Variants in ARHGAP33 observed in about 807,000 individuals in gnomAD.
ARHGAP33 encodes Rho GTPase activating protein 33.
A neutral mutation model predicts 126.2 loss-of-function variants in ARHGAP33; 57 were observed. That is an observed-to-expected ratio of 0.45 (90% CI 0.36 to 0.56). The LOEUF (loss-of-function observed/expected upper bound fraction) is 0.56. Among genes scored for constraint, ARHGAP33 ranks in the 20% least tolerant of loss-of-function variants. ARHGAP33 has a pLI of 0.00. For missense variants in ARHGAP33, 1,500 were observed against 1,748.3 expected (o/e 0.86, Z 2.53); for synonymous variants, 711 against 755.0 (o/e 0.94, Z 0.95).
At chr19:35,784,732 T>C in intron 16 of ARHGAP33, 2 of 1,291,174 alleles carry the variant, frequency 1.5e-6, no homozygotes, top group Non-Finnish European at 2.0e-6. Context: ...GCCGCTGCCC[T>C]CGCTGGCTGC....
intron 3 of ARHGAP33, 61 bp from the exon 4 acceptor site, chr19:35,778,219 C>T: frequency 6.4e-7 from 1 of 1,564,750 alleles, no homozygotes; most frequent in Non-Finnish European, 8.8e-7. Context: ...CTAGATAGTG[C>T]CATCCCCAGG....
Position 35,775,588 on chromosome 19 carries a change from C to A in ARHGAP33, c.-71C>A. 3 of 1,457,374 alleles carry A rather than the reference C, an allele frequency of 2.1e-6. No individual in the cohort carries two copies. Among genetic ancestry groups the A allele is most frequent in the Non-Finnish European group, 2.7e-6 (3 of 1,107,832 alleles). The allele number at this position is 1,457,374 out of a possible 1,614,324, so 90.3% of individuals were successfully genotyped here. On this transcript the variant is annotated 5_prime_UTR_variant, in exon 1 of 21. Transcript: ENST00000007510. ...CGCCCTCCCCTTTGTGTCGCCATGG[C>A]GGCGGCAGCGGCGACGAGAACGGCG...
At position 35,782,984 on chromosome 19, in the gene ARHGAP33, A is replaced by G; in HGVS notation, c.1421+115A>G. ...AATACGTGTCTATCAAATACCTCCCATGGACCTGGCCCCGTCCCTAGCACT... is the reference window on the plus strand; with the variant it reads ...AATACGTGTCTATCAAATACCTCCCGTGGACCTGGCCCCGTCCCTAGCACT... On this transcript the variant is annotated intron_variant, in intron 15 of 20. Coordinates refer to ENST00000007510, the MANE Select transcript of ARHGAP33 (RefSeq NM_001366178.1). The surrounding 1 kb of genome is among the most constrained non-coding windows in gnomAD (Gnocchi z 4.1). 3.3e-6 allele frequency: 3 copies of G among 900,392 alleles called. No individual in the cohort carries two copies. The highest frequency in any genetic ancestry group is 4.4e-5 in the Admixed American group (2 of 45,750). The allele number at this position is 900,392 out of a possible 1,614,324, so 55.8% of individuals were successfully genotyped here.
chr19:35,776,916 C>T (rs1281606500), intron 1 of ARHGAP33, among the ~76,000 whole-genome samples: 1 of 152,034 alleles, frequency 6.6e-6, no homozygotes, highest in Non-Finnish European at 1.5e-5. Flanking sequence ...GAGGAGGGCA[C>T]ATGTGAGTTG....
intron 1 of ARHGAP33, 76 bp from the exon 2 acceptor site, chr19:35,777,569 G>T: frequency 7.8e-7 from 1 of 1,287,314 alleles, no homozygotes; most frequent in Non-Finnish European, 1.1e-6. Flanking sequence ...CTCTGGACCC[G>T]CGCTGCCAGA....
chr19:35,778,224 CCCAGGAGGTCAGGA>C, intron 3 of ARHGAP33, 42 bp from the exon 4 acceptor site: 1 of 1,585,262 alleles, frequency 6.3e-7, no homozygotes, highest in Non-Finnish European at 8.7e-7. Context: ...TAGTGCCATC[CCCAGGAGGTCAGGA>C]CTGGGACAAA....
chr19:35,785,918 C>T, intron 19 of ARHGAP33: 1 of 1,066,668 alleles, frequency 9.4e-7, no homozygotes, highest in Non-Finnish European at 1.1e-6. Flanking sequence ...CAGTTCTAGC[C>T]ATTTTGGAAA....
intron 6 of ARHGAP33, 172 bp downstream of exon 6, chr19:35,779,296 ATG>A (rs147226711): frequency 9.4e-5 from 56 of 596,162 alleles, no homozygotes; most frequent in Middle Eastern, 2.9e-4. Context: ...GTGTGTGAGC[ATG>A]TGTGTGTGTG....
At chr19:35,778,014 C>A in intron 3 of ARHGAP33, 106 bp downstream of exon 3, 2 of 1,345,846 alleles carry the variant, frequency 1.5e-6, no homozygotes, top group South Asian at 1.3e-5. Context: ...TGACTGGCTG[C>A]TGCACGCGTC....
Position 35,786,867 on chromosome 19 carries a change from G to A in ARHGAP33, c.2397G>A (p.Leu799=), listed in dbSNP as rs533922812. 6 of 1,602,950 alleles carry A rather than the reference G, an allele frequency of 3.7e-6. No individual in the cohort carries two copies. The highest frequency in any genetic ancestry group is 5.1e-6 in the Non-Finnish European group (6 of 1,177,038). ...SPAALDISEP[L]AVSVPPAVLE... is the part of the protein sequence containing the mutation. Reference sequence around the variant, plus strand: ...CTGCCCTAGACATCTCAGAGCCCCTGGCTGTATCAGTGCCACCCGCTGTCC... The same window carrying A: ...CTGCCCTAGACATCTCAGAGCCCCTAGCTGTATCAGTGCCACCCGCTGTCC... The change falls in exon 20 of 21, where the codon CTG becomes CTA. Residue 799 remains leucine (L), a synonymous_variant. Coordinates refer to ENST00000007510, the MANE Select transcript of ARHGAP33 (RefSeq NM_001366178.1). This position sits in a 1 kb window ranked among gnomAD's most constrained non-coding sequence, Gnocchi z 7.0.
At position 35,787,949 on chromosome 19, in the gene ARHGAP33, C is replaced by T. The variant is rs952691616; in HGVS notation, c.3384C>T (p.Leu1128=). 4 of 1,448,782 alleles carry T rather than the reference C, an allele frequency of 2.8e-6. No homozygotes were observed. The African/African-American group carries it at 6.0e-5, about 22-fold the overall frequency. The allele number at this position is 1,448,782 out of a possible 1,614,324, so 89.7% of individuals were successfully genotyped here. A position where few individuals can be genotyped will look rare whatever the true frequency, so the allele number is the denominator to read the frequency against. The change falls in exon 21 of 21, where the codon CTC becomes CTT. Residue 1128 remains leucine, a synonymous_variant. Transcript: ENST00000007510. The stretch of plus-strand genomic sequence containing the variant: ...GCATGCTTGGCCAATCACCCCCACT[C>T]CACAGGTCCCCCGACTTCCTGCTCA... ...SYGMLGQSPP[L]HRSPDFLLSY... is the part of the protein sequence containing the mutation.
chr19:35,781,379 G>C, intron 12 of ARHGAP33, 127 bp downstream of exon 12: 2 of 911,914 alleles, frequency 2.2e-6, no homozygotes, highest in Non-Finnish European at 3.5e-6. Context: ...GCTGGGGTCA[G>C]GGACAGCTCT....
Position 35,787,089 on chromosome 19 carries a change from C to T in ARHGAP33, c.2602+17C>T. 3 of 1,598,512 alleles carry T rather than the reference C, an allele frequency of 1.9e-6. No individual in the cohort carries two copies. Among genetic ancestry groups the T allele is most frequent in the Non-Finnish European group, 2.6e-6 (3 of 1,171,970 alleles). On this transcript the variant is annotated intron_variant, in intron 20 of 20. Transcript: ENST00000007510. ...GCCCACTCGGTGAGTCCTCAGCCTA[C>T]CCCACCCCTGTCCCCGCCAGCTGTC...
rs1465162478 is a variant in ARHGAP33, at chr19:35,787,702, G to A, written c.3137G>A (p.Gly1046Glu). 6.3e-7 allele frequency: 1 copy of A among 1,593,036 alleles called. No individual in the cohort carries two copies. The change falls in exon 21 of 21, where the codon GGG becomes GAG. Residue 1046 changes from glycine to glutamate, a missense_variant. Gly to Glu is a moderately conservative substitution (Grantham distance 98). Around this residue, in one of 6 missense-constraint regions of ARHGAP33, gnomAD observed 642 missense variants for 634.0 expected, o/e 1.01. Coordinates refer to ENST00000007510, the MANE Select transcript of ARHGAP33 (RefSeq NM_001366178.1). ...AGGGAGTGCCTGCCACCCTTCCTCG[G>A]GGTCCCCAAGCCAGGCTTGTACCCC... is the stretch of plus-strand genomic sequence containing the variant. ...APRECLPPFL[G>E]VPKPGLYPLG... is the part of the protein sequence containing the mutation.
Position 35,780,478 on chromosome 19 carries a change from C to T in ARHGAP33, c.682C>T (p.Arg228Trp), listed in dbSNP as rs766751884. 1.9e-6 allele frequency: 3 copies of T among 1,602,728 alleles called. No individual in the cohort carries two copies. Among genetic ancestry groups the T allele is most frequent in the Non-Finnish European group, 2.6e-6 (3 of 1,172,596 alleles). ...MPPTEDRSWW[R>W]GKRGFQVGFF... ...ACCCACAGAGGATCGGAGCTGGTGG[C>T]GGGGCAAGCGAGGCTTCCAGGTGAG... The change falls in exon 8 of 21, where the codon CGG (arginine) becomes TGG (tryptophan). Residue 228 changes from arginine to tryptophan, a missense_variant. By Grantham distance (101) the Arg-to-Trp change is moderately radical. Coordinates refer to ENST00000007510, the MANE Select transcript of ARHGAP33 (RefSeq NM_001366178.1).
intron 12 of ARHGAP33, 96 bp downstream of exon 12, chr19:35,781,348 G>A (rs1971766482): frequency 1.6e-6 from 2 of 1,256,188 alleles, no homozygotes; most frequent in Admixed American, 1.8e-5. Flanking sequence ...GTTACCAGGA[G>A]TCAGGAGTGG....
At chr19:35,777,439 T>G (rs1971513055) in intron 1 of ARHGAP33, 1 of 601,134 alleles carries the variant, frequency 1.7e-6, no homozygotes, top group Non-Finnish European at 3.0e-6. Flanking sequence ...TGGCCCCTGC[T>G]TCTCCAGTCC....
At chr19:35,784,376 G>A (rs1294328787) in intron 16 of ARHGAP33, 59 bp downstream of exon 16, 5 of 1,479,226 alleles carry the variant, frequency 3.4e-6, no homozygotes, top group African/African-American at 1.4e-5. Context: ...GGGCTGCAGG[G>A]GGAGGGCAGG....
At position 35,782,467 on chromosome 19, in the gene ARHGAP33, C is replaced by T. The variant is rs375743638; in HGVS notation, c.1180C>T (p.Arg394Ter). 12 of 1,613,548 alleles carry T rather than the reference C, an allele frequency of 7.4e-6. No individual in the cohort carries two copies. The highest frequency in any genetic ancestry group is 1.7e-5 in the Admixed American group (1 of 60,012). Reference sequence around the variant, plus strand: ...GTCCTCCCTCTGCAAGCTCTACTTCCGAGAGCTTCCGAACCCTCTGCTCAC... The same window carrying T: ...GTCCTCCCTCTGCAAGCTCTACTTCTGAGAGCTTCCGAACCCTCTGCTCAC... The part of the protein sequence containing the change: ...SVSSLCKLYF[R>*]ELPNPLLTYQ... The change falls in exon 13 of 21, where the codon CGA becomes TGA. Residue 394 changes from arginine to a stop codon, truncating the protein, a stop_gained. Transcript: ENST00000007510. LOFTEE classifies it high-confidence loss of function. The surrounding 1 kb of genome is among the most constrained non-coding windows in gnomAD (Gnocchi z 4.1).
Sources: allele counts gnomAD v4.1 joint callset (sites outside exome capture counted in the v4.1 genomes callset), GRCh38; gene constraint gnomAD v4.1.1; regional missense constraint gnomAD v4.1.1; non-coding constraint Gnocchi (gnomAD v3.1); transcripts MANE v1.5; gene names NCBI Gene and HGNC (gene_info 2026-07-23, HGNC 2026-07-21).